Variants in ARHGAP26 observed in about 807,000 individuals in gnomAD.
The protein encoded by ARHGAP26 is rho GTPase-activating protein 26.
A neutral mutation model predicts 104.8 loss-of-function variants in ARHGAP26; 38 were observed. That is an observed-to-expected ratio of 0.36 (90% CI 0.28 to 0.48). ARHGAP26 has a LOEUF of 0.48. ARHGAP26 is among the 20% of genes least tolerant of loss of function. The pLI, the probability that ARHGAP26 is intolerant of heterozygous loss-of-function variation, is 0.99. For missense variants in ARHGAP26, 704 were observed against 947.9 expected, an observed-to-expected ratio of 0.74 and a Z score of 3.38; for synonymous variants, 341 against 340.0, an observed-to-expected ratio of 1.00 and a Z score of -0.03.
At chr5:142,836,453 A>G (rs1329812136) in intron 1 of ARHGAP26, among the ~76,000 whole-genome samples, 2 of 150,214 alleles carry the variant, frequency 1.3e-5, no homozygotes, top group East Asian at 3.8e-4. Flanking sequence ...TAATTAGACC[A>G]CCTATGCTAA....
intron 17 of ARHGAP26, among the ~76,000 whole-genome samples, chr5:143,079,575 G>A (rs888620545): frequency 1.3e-5 from 2 of 152,080 alleles, no homozygotes; most frequent in Admixed American, 1.3e-4. Flanking sequence ...TGGTATTGTC[G>A]GCCCCATACA....
intron 11 of ARHGAP26, among the ~76,000 whole-genome samples, chr5:142,936,499 T>G (rs898385129): frequency 6.6e-6 from 1 of 152,162 alleles, no homozygotes; most frequent in African/African-American, 2.4e-5. Context: ...CACAGCAAGA[T>G]TTCTTATAGA....
At chr5:143,004,848 G>A (rs1220105124) in intron 11 of ARHGAP26, among the ~76,000 whole-genome samples, 1 of 152,192 alleles carries the variant, frequency 6.6e-6, no homozygotes, top group Non-Finnish European at 1.5e-5. Flanking sequence ...AGGTCTAGGT[G>A]AGAAGGCAAA....
chr5:143,007,345 G>A (rs1283134556), intron 11 of ARHGAP26, among the ~76,000 whole-genome samples: 1 of 152,138 alleles, frequency 6.6e-6, no homozygotes, highest in Non-Finnish European at 1.5e-5. Flanking sequence ...TAGGAGGGTT[G>A]TTTTTTGGGC....
intron 1 of ARHGAP26, among the ~76,000 whole-genome samples, chr5:142,824,006 C>T (rs537064839): frequency 1.3e-5 from 2 of 152,274 alleles, no homozygotes; most frequent in African/African-American, 4.8e-5. Context: ...AGTTTGGGGA[C>T]GACTTCACTT....
At chr5:142,894,060 A>G (rs1302084415) in intron 5 of ARHGAP26, among the ~76,000 whole-genome samples, 178 bp from the exon 6 acceptor site, 1 of 151,146 alleles carries the variant, frequency 6.6e-6, no homozygotes, top group African/African-American at 2.4e-5. Context: ...GTATAATATG[A>G]TGTTTCAGTA....
chr5:143,063,482 C>T (rs1299799780), intron 17 of ARHGAP26, among the ~76,000 whole-genome samples: 3 of 152,162 alleles, frequency 2.0e-5, no homozygotes, highest in Non-Finnish European at 4.4e-5. Flanking sequence ...AAGATAAAAC[C>T]CTGGAAATGG....
In ARHGAP26 at chr5:142,985,890, T is replaced by A. The variant is rs542262263; in HGVS notation, c.1108-28190T>A. Among the ~76,000 whole-genome samples, 145 of 152,240 alleles carry A rather than the reference T, an allele frequency of 9.5e-4. 1 individual carries two copies. Among genetic ancestry groups the A allele is most frequent in the African/African-American group, 3.2e-3 (132 of 41,516 alleles). Reference sequence around the variant, plus strand: ...CATGGTGTATATGTGCCACATTTTTTAAATCCAGTCTATCATTGATGGGCA... The same window carrying A: ...CATGGTGTATATGTGCCACATTTTTAAAATCCAGTCTATCATTGATGGGCA... On this transcript the variant is annotated intron_variant, in intron 11 of 22. Transcript: ENST00000645722.
chr5:143,094,182 A>G (rs1346455309), intron 17 of ARHGAP26, among the ~76,000 whole-genome samples: 1 of 152,208 alleles, frequency 6.6e-6, no homozygotes, highest in Non-Finnish European at 1.5e-5. Context: ...TCTCCTTAGT[A>G]TGTCCTAACC....
chr5:142,939,036 A>G (rs1765861791), intron 11 of ARHGAP26, among the ~76,000 whole-genome samples: 1 of 152,214 alleles, frequency 6.6e-6, no homozygotes, highest in South Asian at 2.1e-4. Flanking sequence ...CTTGTAGGTC[A>G]AAAATAGCCA....
Position 143,204,068 on chromosome 5 carries a change from TA to T in ARHGAP26, c.1989-3117del, listed in dbSNP as rs11429323. Reference sequence around the variant, plus strand: ...TGTATCCCAGAACTTAAAGTATAATTAAAAAAAAAAAAATCACAGAAGTACT... The same window carrying T: ...TGTATCCCAGAACTTAAAGTATAATTAAAAAAAAAAAATCACAGAAGTACT... On this transcript the variant is annotated intron_variant, in intron 20 of 22. Coordinates refer to ENST00000645722, the MANE Select transcript of ARHGAP26 (RefSeq NM_001135608.3). 5.6e-3 allele frequency among the ~76,000 whole-genome samples: 799 copies of T among 143,448 alleles called. 6 individuals carry two copies. The South Asian group carries it at 0.056, about 10-fold the overall frequency. The allele number at this position is 143,448 out of a possible 152,430, so 94.1% of individuals were successfully genotyped here.
At chr5:142,936,110 C>CACGA (rs1765377608) in intron 11 of ARHGAP26, among the ~76,000 whole-genome samples, 1 of 119,062 alleles carries the variant, frequency 8.4e-6, no homozygotes, top group South Asian at 2.7e-4. Flanking sequence ...TCCCAAGGAA[C>CACGA]ACACACACAC....
At chr5:143,136,812 T>C (rs975771708) in intron 19 of ARHGAP26, among the ~76,000 whole-genome samples, 1 of 152,222 alleles carries the variant, frequency 6.6e-6, no homozygotes, top group South Asian at 2.1e-4. Context: ...CAGAAAACTT[T>C]ATCCTAGCAC....
chr5:142,875,197 T>TC, intron 3 of ARHGAP26, 26 bp downstream of exon 3: 1 of 1,610,392 alleles, frequency 6.2e-7, no homozygotes, highest in Non-Finnish European at 8.5e-7. Context: ...CTACTCTTGG[T>TC]CCCAGATAGT....
chr5:143,038,356 A>C (rs1490056284), intron 13 of ARHGAP26, among the ~76,000 whole-genome samples: 1 of 152,186 alleles, frequency 6.6e-6, no homozygotes, highest in Admixed American at 6.5e-5. Context: ...AAACAGTTGT[A>C]ATGTATGGAA....
At chr5:143,124,444 G>A (rs145991618) in intron 18 of ARHGAP26, among the ~76,000 whole-genome samples, 1 of 152,300 alleles carries the variant, frequency 6.6e-6, no homozygotes, top group Non-Finnish European at 1.5e-5. Context: ...ATTTGAGAAG[G>A]GCTTATGTGT....
intron 20 of ARHGAP26, among the ~76,000 whole-genome samples, chr5:143,163,663 C>A (rs1801548904): frequency 6.6e-6 from 1 of 152,034 alleles, no homozygotes; most frequent in African/African-American, 2.4e-5. Flanking sequence ...GTTGGCCAGG[C>A]TGGTCTCGAA....
At chr5:143,146,191 A>G (rs572573986) in intron 19 of ARHGAP26, among the ~76,000 whole-genome samples, 19 of 152,352 alleles carry the variant, frequency 1.2e-4, no homozygotes, top group Non-Finnish European at 2.4e-4. Flanking sequence ...TTCCACATCT[A>G]TAATATTTTG....
At chr5:142,986,900 A>G (rs1774827551) in intron 11 of ARHGAP26, among the ~76,000 whole-genome samples, 1 of 152,152 alleles carries the variant, frequency 6.6e-6, no homozygotes, top group Non-Finnish European at 1.5e-5. Flanking sequence ...CTGTTTGGTT[A>G]CTGTAGCTTT....
Sources: allele counts gnomAD v4.1 joint callset (sites outside exome capture counted in the v4.1 genomes callset), GRCh38; gene constraint gnomAD v4.1.1; transcripts MANE v1.5; gene names NCBI Gene and HGNC (gene_info 2026-07-23, HGNC 2026-07-21).